Variants in TOX2 observed in about 807,000 individuals in gnomAD.
TOX2 encodes granulosa cell HMG box 1.
TOX2 carries 15 observed loss-of-function variants against 47.4 expected under a neutral mutation model. The ratio of observed to expected loss-of-function variants is 0.32; its 90% CI spans 0.21 to 0.49. The LOEUF is 0.49. TOX2 is among the 20% of genes least tolerant of loss of function. The probability of loss-of-function intolerance (pLI) is 0.99; values close to 1 mark genes in which losing one functional copy is unlikely to be tolerated. For missense variants in TOX2, 622 were observed against 673.1 expected (o/e 0.92, Z 0.84); for synonymous variants, 290 against 296.6 (o/e 0.98, Z 0.23).
At chr20:43,980,188 C>T (rs1234166607) in intron 2 of TOX2, among the ~76,000 whole-genome samples, 1 of 152,174 alleles carries the variant, frequency 6.6e-6, no homozygotes, top group Non-Finnish European at 1.5e-5. Context: ...GAGTATTATT[C>T]AGCCATACAA....
At chr20:44,023,438 A>G (rs887497378) in intron 3 of TOX2, among the ~76,000 whole-genome samples, 166 of 151,680 alleles carry the variant, frequency 1.1e-3, no homozygotes, top group Non-Finnish European at 1.9e-3. Flanking sequence ...TCAGAAAAAA[A>G]AAAAAAAAAA....
At chr20:44,020,318 A>AG (rs1371392394) in intron 3 of TOX2, among the ~76,000 whole-genome samples, 1 of 152,116 alleles carries the variant, frequency 6.6e-6, no homozygotes, top group Non-Finnish European at 1.5e-5. Flanking sequence ...CCCCCAAGGG[A>AG]GGGAGAGCAT....
chr20:44,009,179 G>A (rs540211637), intron 3 of TOX2, among the ~76,000 whole-genome samples: 21 of 152,232 alleles, frequency 1.4e-4, no homozygotes, highest in East Asian at 1.9e-4. Flanking sequence ...CTTAGGACAC[G>A]GCTTTATAGT....
chr20:44,006,940 AT>A, intron 3 of TOX2, 148 bp downstream of exon 3: 26 of 1,227,106 alleles, frequency 2.1e-5, no homozygotes, highest in Non-Finnish European at 2.8e-5. Flanking sequence ...TGGTAATCCC[AT>A]GCTGGGATTA....
At chr20:43,996,734 C>A (rs2145570107) in intron 2 of TOX2, among the ~76,000 whole-genome samples, 1 of 152,000 alleles carries the variant, frequency 6.6e-6, no homozygotes, top group South Asian at 2.1e-4. Flanking sequence ...TCTCTCAGCT[C>A]TTAGGTGGGG....
In TOX2 at chr20:44,069,037, T is replaced by G; in HGVS notation, c.*351T>G. On this transcript the variant is annotated 3_prime_UTR_variant, in exon 9 of 9. Transcript: ENST00000341197. ...GTGGGCCGCCCCTGGCGGGGTCGCT[T>G]ACCAACGGACACCCACCCCAGATGC... is the stretch of plus-strand genomic sequence containing the variant. 2.3e-6 allele frequency: 1 copy of G among 426,420 alleles called. No individual in the cohort carries two copies. Among genetic ancestry groups the G allele is most frequent in the East Asian group, 5.5e-5 (1 of 18,126 alleles). 26.4% of individuals were successfully genotyped at this position (426,420 alleles called of 1,614,324 possible).
At chr20:43,922,087 A>T (rs2069118606) in intron 1 of TOX2, among the ~76,000 whole-genome samples, 1 of 152,138 alleles carries the variant, frequency 6.6e-6, no homozygotes, top group Admixed American at 6.5e-5. Flanking sequence ...CATCACTTAG[A>T]TGTTCAGGTC....
At chr20:44,044,985 C>T (rs1425429451) in intron 3 of TOX2, among the ~76,000 whole-genome samples, 1 of 152,130 alleles carries the variant, frequency 6.6e-6, no homozygotes. Context: ...ACCTTGAGTA[C>T]CTTAAGCTAA....
At chr20:43,952,562 A>G (rs141717864) in intron 1 of TOX2, among the ~76,000 whole-genome samples, 16 of 152,204 alleles carry the variant, frequency 1.1e-4, no homozygotes, top group African/African-American at 3.6e-4. Context: ...GCAGATCTCA[A>G]GTTTGCTTTT....
At chr20:43,970,202 G>T (rs992982681) in intron 1 of TOX2, among the ~76,000 whole-genome samples, 15 of 152,186 alleles carry the variant, frequency 9.9e-5, no homozygotes, top group Non-Finnish European at 1.9e-4. Context: ...TCTCTCCCCA[G>T]CTGTGTGATC....
At chr20:44,062,840 C>T (rs1424583291) in intron 5 of TOX2, among the ~76,000 whole-genome samples, 1 of 152,070 alleles carries the variant, frequency 6.6e-6, no homozygotes, top group Non-Finnish European at 1.5e-5. Flanking sequence ...AAGCCAAATC[C>T]TTACAACCAA....
chr20:43,982,863 C>T (rs892001690), intron 2 of TOX2, among the ~76,000 whole-genome samples: 1 of 151,250 alleles, frequency 6.6e-6, no homozygotes, highest in Non-Finnish European at 1.5e-5. Context: ...CTCTGAAATT[C>T]CTGTTGAGGC....
At chr20:43,932,775 C>A (rs1164350047) in intron 1 of TOX2, among the ~76,000 whole-genome samples, 1 of 134,070 alleles carries the variant, frequency 7.5e-6, no homozygotes, top group African/African-American at 3.3e-5. Flanking sequence ...GGGGTTGCTG[C>A]CCCCCCCCGC....
chr20:44,006,549 C>T lies in TOX2; in HGVS notation c.168C>T (p.Thr56=), dbSNP rs113647385. The stretch of plus-strand genomic sequence containing the variant: ...GACATGTCTTTTTGATGTTTTAGAC[C>T]TACAACGGCCAGAGCGAGAACAACG... ...GNPELLSTSQ[T]YNGQSENNED... Residue 56 remains threonine (T), a splice_region_variant and synonymous_variant, in exon 3 of 9, where the codon ACC becomes ACT. Coordinates refer to ENST00000341197, the MANE Select transcript of TOX2 (RefSeq NM_001098797.2). 9 of 1,611,378 alleles carry T rather than the reference C, an allele frequency of 5.6e-6. No homozygotes were observed. In the African/African-American group the frequency reaches 6.7e-5, roughly 12 times the overall value.
intron 2 of TOX2, among the ~76,000 whole-genome samples, chr20:43,990,073 T>C (rs1406695172): frequency 6.6e-6 from 1 of 152,204 alleles, no homozygotes; most frequent in African/African-American, 2.4e-5. Flanking sequence ...AAGCTTCCCA[T>C]CTCTGTGGCT....
intron 1 of TOX2, among the ~76,000 whole-genome samples, chr20:43,950,278 C>T (rs1002072149): frequency 3.9e-5 from 6 of 152,210 alleles, no homozygotes; most frequent in Admixed American, 2.0e-4. Context: ...GCAGGCCAAG[C>T]GGATGTCAGC....
intron 1 of TOX2, among the ~76,000 whole-genome samples, chr20:43,923,708 C>G (rs1477500134): frequency 6.6e-6 from 1 of 152,134 alleles, no homozygotes; most frequent in Non-Finnish European, 1.5e-5. Flanking sequence ...GTCTTCTTCA[C>G]CATGGGGAAA....
chr20:43,997,180 G>A (rs1230327776), intron 2 of TOX2, among the ~76,000 whole-genome samples: 3 of 152,162 alleles, frequency 2.0e-5, no homozygotes, highest in Admixed American at 1.3e-4. Flanking sequence ...CAAAATGGCA[G>A]CCTGAGAACT....
intron 2 of TOX2, among the ~76,000 whole-genome samples, chr20:44,003,788 A>G (rs1056765390): frequency 3.3e-5 from 5 of 152,120 alleles, no homozygotes; most frequent in African/African-American, 1.2e-4. Context: ...TGTGTAGGGG[A>G]GAGCCCAGAG....
Sources: gnomAD v4.1 joint callset for allele counts (sites outside exome capture counted in the v4.1 genomes callset) on GRCh38, gnomAD v4.1.1 for gene constraint, MANE v1.5 for transcripts, NCBI Gene and HGNC (gene_info 2026-07-23, HGNC 2026-07-21) for gene names.